TENM4: variants seen among roughly 807,000 people sequenced by gnomAD.
TENM4 encodes the protein teneurin-4.
A neutral mutation model predicts 243.3 loss-of-function variants in TENM4; 82 were observed. The observed-to-expected ratio is 0.34, with a 90% CI of 0.28 to 0.40. TENM4 has a LOEUF of 0.40. Ranked by LOEUF, TENM4 falls within the 10% of genes least tolerant of loss-of-function variation. The probability of loss-of-function intolerance (pLI) is 1.00; values close to 1 mark genes in which losing one functional copy is unlikely to be tolerated. For missense variants in TENM4, 3,138 were observed against 3,673.3 expected, an observed-to-expected ratio of 0.85 and a Z score of 3.77; for synonymous variants, 1,412 against 1,456.3, an observed-to-expected ratio of 0.97 and a Z score of 0.69.
intron 9 of TENM4, among the ~76,000 whole-genome samples, chr11:78,883,499 G>A (rs1855483184): frequency 6.6e-6 from 1 of 152,174 alleles, no homozygotes. Context: ...GGGCAGACCT[G>A]GACCTGATGA....
intron 1 of TENM4, among the ~76,000 whole-genome samples, chr11:79,420,609 T>C (rs930046144): frequency 6.6e-6 from 1 of 152,182 alleles, no homozygotes; most frequent in African/African-American, 2.4e-5. Context: ...TGAGACTTTC[T>C]GCAGCATGAA....
intron 15 of TENM4, among the ~76,000 whole-genome samples, chr11:78,801,529 C>T (rs1440498072): frequency 2.0e-5 from 3 of 152,236 alleles, no homozygotes; most frequent in Non-Finnish European, 4.4e-5. Context: ...TCTGACTTCA[C>T]TGTTTCCACA....
chr11:79,017,922 T>G (rs1858820714), intron 6 of TENM4, among the ~76,000 whole-genome samples: 1 of 152,204 alleles, frequency 6.6e-6, no homozygotes, highest in South Asian at 2.1e-4. Flanking sequence ...TCCTGCATTT[T>G]CATTTTACAC....
chr11:79,031,319 A>G (rs1859231777), intron 6 of TENM4, among the ~76,000 whole-genome samples: 2 of 152,196 alleles, frequency 1.3e-5, no homozygotes, highest in African/African-American at 4.8e-5. Context: ...AAGTAGATTC[A>G]ATAGGGAAAA....
At chr11:79,353,318 T>G (rs1362040994) in intron 1 of TENM4, among the ~76,000 whole-genome samples, 31 of 152,166 alleles carry the variant, frequency 2.0e-4, no homozygotes, top group Non-Finnish European at 8.8e-5. Context: ...ATAAAACAGA[T>G]CTTACAGGGA....
intron 27 of TENM4, among the ~76,000 whole-genome samples, chr11:78,707,008 T>C (rs1284025165): frequency 2.0e-5 from 3 of 151,350 alleles, no homozygotes; most frequent in African/African-American, 7.3e-5. Context: ...GATGGGGAGG[T>C]GACATGAGTG....
intron 2 of TENM4, among the ~76,000 whole-genome samples, chr11:79,275,694 A>G (rs573076843): frequency 1.3e-5 from 2 of 151,590 alleles, no homozygotes; most frequent in South Asian, 2.1e-4. Context: ...ACAGTCATTA[A>G]GTCCACTGCA....
At chr11:78,736,582 A>T (rs1409148726) in intron 20 of TENM4, among the ~76,000 whole-genome samples, 2 of 152,086 alleles carry the variant, frequency 1.3e-5, no homozygotes, top group Non-Finnish European at 2.9e-5. Context: ...CTTTCAGTCC[A>T]CTTGTGCACA....
chr11:79,321,246 A>G (rs958939238), intron 1 of TENM4, among the ~76,000 whole-genome samples: 3 of 152,158 alleles, frequency 2.0e-5, no homozygotes, highest in African/African-American at 7.2e-5. Context: ...AACTAATGAG[A>G]TGTTTCCTAC....
chr11:78,776,778 G>T (rs1785827), intron 17 of TENM4, among the ~76,000 whole-genome samples: 125,066 of 152,134 alleles, frequency 0.82, 52,121 homozygotes, highest in African/African-American at 0.89. Context: ...GAACTGAAGA[G>T]CAGAGCAGGT....
intron 6 of TENM4, among the ~76,000 whole-genome samples, chr11:78,943,182 C>T (rs914897546): frequency 6.6e-6 from 1 of 152,338 alleles, no homozygotes; most frequent in East Asian, 1.9e-4. Context: ...CAAACGCAGT[C>T]TGTAGGTGGC....
chr11:79,004,941 C>CAAAAAAAAAAA (rs58631195), intron 6 of TENM4, among the ~76,000 whole-genome samples: 14 of 87,792 alleles, frequency 1.6e-4, no homozygotes, highest in Non-Finnish European at 2.1e-4. Flanking sequence ...ATAGAAATAC[C>CAAAAAAAAAAA]AAAAAAAAAA....
chr11:78,687,959 C>A (rs746212375), intron 29 of TENM4, 95 bp downstream of exon 29: 304 of 1,423,628 alleles, frequency 2.1e-4, no homozygotes, highest in Non-Finnish European at 2.8e-4. Flanking sequence ...TGTTCTTGGG[C>A]AGCTCCAGCA....
chr11:78,949,462 C>T (rs1192577943), intron 6 of TENM4, among the ~76,000 whole-genome samples: 1 of 152,166 alleles, frequency 6.6e-6, no homozygotes, highest in Admixed American at 6.5e-5. Context: ...TGCAACTTTC[C>T]ATAAAATAAA....
At chr11:79,181,281 T>A (rs1863277256) in intron 3 of TENM4, among the ~76,000 whole-genome samples, 1 of 152,126 alleles carries the variant, frequency 6.6e-6, no homozygotes, top group Non-Finnish European at 1.5e-5. Flanking sequence ...GCAAGGCTGG[T>A]TCAACATTCA....
intron 6 of TENM4, among the ~76,000 whole-genome samples, chr11:79,007,312 G>A (rs996648845): frequency 6.6e-6 from 1 of 151,902 alleles, no homozygotes; most frequent in Non-Finnish European, 1.5e-5. Context: ...GGAGCGGGGA[G>A]CAGTAGTAGG....
At chr11:79,339,722 GA>G (rs57920060) in intron 1 of TENM4, among the ~76,000 whole-genome samples, 11 of 151,576 alleles carry the variant, frequency 7.3e-5, no homozygotes, top group Non-Finnish European at 2.9e-5. Context: ...GCAAGAGAGG[GA>G]AAAAAAATGG....
chr11:79,016,913 C>A (rs1348453104), intron 6 of TENM4, among the ~76,000 whole-genome samples: 1 of 152,178 alleles, frequency 6.6e-6, no homozygotes, highest in African/African-American at 2.4e-5. Flanking sequence ...TGCTGGGTGA[C>A]TTTTTGTATG....
chr11:79,383,782 C>A (rs1166440187), intron 1 of TENM4, among the ~76,000 whole-genome samples: 1 of 152,140 alleles, frequency 6.6e-6, no homozygotes, highest in Non-Finnish European at 1.5e-5. Flanking sequence ...CCTTGATCAA[C>A]AAAATATTAG....
Sources: gnomAD v4.1 joint callset for allele counts (sites outside exome capture counted in the v4.1 genomes callset) on GRCh38, gnomAD v4.1.1 for gene constraint, MANE v1.5 for transcripts, NCBI Gene and HGNC (gene_info 2026-07-23, HGNC 2026-07-21) for gene names.